SUSD6: variants seen among roughly 807,000 people sequenced by gnomAD.
SUSD6 encodes the protein sushi domain containing 6.
A neutral mutation model predicts 28.4 loss-of-function variants in SUSD6; 16 were observed. The observed-to-expected ratio is 0.56, with a 90% CI of 0.38 to 0.86. The LOEUF is 0.86. Among genes scored for constraint, SUSD6 ranks in the 40% least tolerant of loss-of-function variants. SUSD6 has a pLI of 0.00. For missense variants in SUSD6, 341 were observed against 384.2 expected (o/e 0.89, Z 0.94); for synonymous variants, 147 against 159.6 (o/e 0.92, Z 0.59).
chr14:69,637,561 G>A (rs1199842362), intron 1 of SUSD6, among the ~76,000 whole-genome samples: 1 of 152,178 alleles, frequency 6.6e-6, no homozygotes, highest in Non-Finnish European at 1.5e-5. Context: ...TGTGGGTGCT[G>A]GAGAGCCTTG....
intron 1 of SUSD6, among the ~76,000 whole-genome samples, chr14:69,652,340 A>T (rs1010479626): frequency 2.0e-5 from 3 of 152,074 alleles, no homozygotes; most frequent in African/African-American, 7.2e-5. Context: ...CCAGCTACTC[A>T]GGAGGCTGAG....
At chr14:69,663,890 G>A (rs1885698596) in intron 2 of SUSD6, among the ~76,000 whole-genome samples, 1 of 152,068 alleles carries the variant, frequency 6.6e-6, no homozygotes, top group African/African-American at 2.4e-5. Flanking sequence ...TTCTGATGGA[G>A]GAAGAAAGAG....
rs534334473 is a variant in SUSD6, at chr14:69,714,406, G to C, written c.*3427G>C. 6.6e-6 allele frequency: 1 copy of C among 152,030 alleles called. No individual in the cohort carries two copies. Among genetic ancestry groups the C allele is most frequent in the East Asian group, 1.9e-4 (1 of 5,166 alleles). The allele number at this position is 152,030 out of a possible 1,614,324, so 9.4% of individuals were successfully genotyped here. A position where few individuals can be genotyped will look rare whatever the true frequency, so the allele number is the denominator to read the frequency against. On this transcript the variant is annotated 3_prime_UTR_variant, in exon 6 of 6. Transcript: ENST00000342745. The stretch of plus-strand genomic sequence containing the variant: ...CATCCTTGCGTAGAGAATGAAATAT[G>C]CTGCAATCATTTCTGCATCCTTACT...
At chr14:69,686,720 G>C (rs1886079218) in intron 2 of SUSD6, among the ~76,000 whole-genome samples, 1 of 152,180 alleles carries the variant, frequency 6.6e-6, no homozygotes, top group Admixed American at 6.5e-5. Context: ...AATCTTGTGA[G>C]ACCCATTCAC....
At chr14:69,682,520 T>C (rs1886011207) in intron 2 of SUSD6, among the ~76,000 whole-genome samples, 1 of 151,964 alleles carries the variant, frequency 6.6e-6, no homozygotes, top group Admixed American at 6.6e-5. Flanking sequence ...ATGTATGAAA[T>C]ACAAATTTAA....
chr14:69,663,546 A>G (rs1338466462), intron 2 of SUSD6, among the ~76,000 whole-genome samples: 1 of 152,208 alleles, frequency 6.6e-6, no homozygotes, highest in Admixed American at 6.5e-5. Flanking sequence ...CACTGAGTTG[A>G]GAGGAGAAAA....
intron 2 of SUSD6, among the ~76,000 whole-genome samples, chr14:69,702,520 G>A (rs1886326975): frequency 6.6e-6 from 1 of 152,214 alleles, no homozygotes; most frequent in Non-Finnish European, 1.5e-5. Context: ...TAACTGACCA[G>A]TTTCAAGAGG....
intron 2 of SUSD6, among the ~76,000 whole-genome samples, chr14:69,674,646 G>C (rs753774980): frequency 3.0e-4 from 46 of 152,104 alleles, no homozygotes; most frequent in Non-Finnish European, 5.7e-4. Flanking sequence ...GGAATTTGCT[G>C]TTCTTCAGAT....
chr14:69,670,349 G>A (rs1436311040), intron 2 of SUSD6: 1 of 433,102 alleles, frequency 2.3e-6, no homozygotes, highest in Non-Finnish European at 4.8e-6. Context: ...TGCCAAGACT[G>A]TGCCAGCTAC....
intron 2 of SUSD6, among the ~76,000 whole-genome samples, chr14:69,669,927 T>G (rs1468342648): frequency 3.3e-5 from 5 of 152,316 alleles, no homozygotes; most frequent in Admixed American, 2.0e-4. Context: ...CTGACTTTGA[T>G]TTGAAAGGAT....
At chr14:69,615,426 A>G (rs1321314488) in intron 1 of SUSD6, 2 of 152,204 alleles carry the variant, frequency 1.3e-5, no homozygotes, top group Non-Finnish European at 2.9e-5. Flanking sequence ...TGCCTCTTAC[A>G]AGGCTTAGGT....
intron 1 of SUSD6, among the ~76,000 whole-genome samples, chr14:69,632,063 C>G (rs931087062): frequency 6.6e-6 from 1 of 152,118 alleles, no homozygotes; most frequent in Non-Finnish European, 1.5e-5. Flanking sequence ...TTGTACTTTT[C>G]CTTTGTAAAG....
chr14:69,665,516 G>C (rs898563795), intron 2 of SUSD6, among the ~76,000 whole-genome samples: 1 of 152,194 alleles, frequency 6.6e-6, no homozygotes, highest in African/African-American at 2.4e-5. Flanking sequence ...GCCTCCCAAA[G>C]TGCTGGGATT....
At chr14:69,651,477 G>C (rs900245938) in intron 1 of SUSD6, among the ~76,000 whole-genome samples, 1 of 152,194 alleles carries the variant, frequency 6.6e-6, no homozygotes, top group Non-Finnish European at 1.5e-5. Context: ...ATTTTAACAG[G>C]AGTTTGATGT....
chr14:69,684,926 C>G (rs917719424), intron 2 of SUSD6, among the ~76,000 whole-genome samples: 1 of 152,238 alleles, frequency 6.6e-6, no homozygotes, highest in Non-Finnish European at 1.5e-5. Context: ...GGTCCCTGAT[C>G]CTGTTTCAAA....
intron 1 of SUSD6, among the ~76,000 whole-genome samples, chr14:69,613,434 C>T (rs2139586100): frequency 6.6e-6 from 1 of 152,346 alleles, no homozygotes; most frequent in Admixed American, 6.5e-5. Flanking sequence ...CAGGCTGTTT[C>T]TCAGATCATG....
At chr14:69,635,037 A>G (rs1251859391) in intron 1 of SUSD6, among the ~76,000 whole-genome samples, 1 of 152,244 alleles carries the variant, frequency 6.6e-6, no homozygotes, top group African/African-American at 2.4e-5. Context: ...TAGTTTGGTA[A>G]TGAATTAAGT....
chr14:69,642,569 C>A (rs527372522), intron 1 of SUSD6, among the ~76,000 whole-genome samples: 1 of 152,256 alleles, frequency 6.6e-6, no homozygotes, highest in Non-Finnish European at 1.5e-5. Flanking sequence ...CTGATAAACC[C>A]ATCAGATCTT....
intron 1 of SUSD6, among the ~76,000 whole-genome samples, chr14:69,656,886 TCA>T: frequency 6.6e-6 from 1 of 152,256 alleles, no homozygotes; most frequent in East Asian, 1.9e-4. Context: ...TGGTGGTCAC[TCA>T]CAGACTCCAT....
Sources: gnomAD v4.1 joint callset for allele counts (sites outside exome capture counted in the v4.1 genomes callset) on GRCh38, gnomAD v4.1.1 for gene constraint, MANE v1.5 for transcripts, NCBI Gene and HGNC (gene_info 2026-07-23, HGNC 2026-07-21) for gene names.